Variants in LZTFL1 observed in about 807,000 individuals in gnomAD.
The protein encoded by LZTFL1 is leucine zipper transcription factor-like protein 1.
A neutral mutation model predicts 45.9 loss-of-function variants in LZTFL1; 25 were observed. The observed-to-expected ratio is 0.54, with a 90% CI of 0.40 to 0.76. LZTFL1 has a LOEUF of 0.76. LZTFL1 is among the 30% of genes least tolerant of loss of function. The pLI, the probability that LZTFL1 is intolerant of heterozygous loss-of-function variation, is 0.00. For synonymous variants in LZTFL1, 93 were observed against 117.4 expected (o/e 0.79, Z 1.35); for missense variants, 277 against 331.1 (o/e 0.84, Z 1.27).
At chr3:45,876,778 G>A (rs904323505) in intron 2 of LZTFL1, among the ~76,000 whole-genome samples, 2 of 152,156 alleles carry the variant, frequency 1.3e-5, no homozygotes, top group Admixed American at 6.5e-5. Context: ...CATTCCTGGA[G>A]GTGCAGGGTG....
chr3:45,849,680 G>C (rs1283505512), intron 4 of LZTFL1, among the ~76,000 whole-genome samples: 2 of 152,164 alleles, frequency 1.3e-5, no homozygotes, highest in Non-Finnish European at 2.9e-5. Context: ...TAGCAGAAAC[G>C]TGGTAAGAAT....
At position 45,824,158 on chromosome 3, in the gene LZTFL1, G is replaced by A. The variant is rs138425902; in HGVS notation, c.*2156C>T. The stretch of plus-strand genomic sequence containing the variant: ...AATTAAATTAAACCAAAGCTGCATT[G>A]TGATGGCCATCAATGTACAGACTGC... On this transcript the variant is annotated 3_prime_UTR_variant, in exon 10 of 10. Transcript: ENST00000296135. 3 of 152,188 alleles carry A rather than the reference G, an allele frequency of 2.0e-5. No individual in the cohort carries two copies. Among genetic ancestry groups the A allele is most frequent in the African/African-American group, 4.8e-5 (2 of 41,514 alleles). 9.4% of individuals were successfully genotyped at this position (152,188 alleles called of 1,614,324 possible).
At chr3:45,904,090 A>G (rs1702632886) in intron 2 of LZTFL1, among the ~76,000 whole-genome samples, 1 of 152,168 alleles carries the variant, frequency 6.6e-6, no homozygotes, top group African/African-American at 2.4e-5. Flanking sequence ...GAGCCTTCCC[A>G]GGTGGGAGCC....
At chr3:45,889,965 T>C (rs1702097586) in intron 2 of LZTFL1, among the ~76,000 whole-genome samples, 1 of 151,018 alleles carries the variant, frequency 6.6e-6, no homozygotes, top group South Asian at 2.1e-4. Context: ...CGCTGCAGAG[T>C]CAGAGATGTT....
At chr3:45,887,112 C>T (rs1702003708) in intron 2 of LZTFL1, among the ~76,000 whole-genome samples, 1 of 152,186 alleles carries the variant, frequency 6.6e-6, no homozygotes, top group Non-Finnish European at 1.5e-5. Flanking sequence ...CAATGGAATA[C>T]ACAGCAGCCA....
intron 4 of LZTFL1, among the ~76,000 whole-genome samples, chr3:45,833,549 A>G (rs1478747561): frequency 2.0e-5 from 3 of 152,216 alleles, no homozygotes; most frequent in Non-Finnish European, 4.4e-5. Flanking sequence ...AGATCTAGGC[A>G]AGTATAATAC....
At chr3:45,848,450 A>G (rs1392234025) in intron 4 of LZTFL1, among the ~76,000 whole-genome samples, 1 of 152,242 alleles carries the variant, frequency 6.6e-6, no homozygotes, top group Non-Finnish European at 1.5e-5. Flanking sequence ...TAAGGCTTAC[A>G]GTATTGCGCT....
chr3:45,898,977 C>T lies in LZTFL1; in HGVS notation c.-215+14143G>A, dbSNP rs548906562. ...GGTCAGAAGTTCGAGACCAGCCTGA[C>T]CAACATGGTGAAATCCCGTCTCTAC... On this transcript the variant is annotated intron_variant, in intron 2 of 4. Coordinates refer to the LZTFL1 transcript ENST00000472635. Among the ~76,000 whole-genome samples the T allele has an allele frequency of 3.2e-4, 48 of 152,226 alleles. 1 individual carries two copies. In the South Asian group the frequency reaches 5.2e-3, roughly 16 times the overall value.
intron 2 of LZTFL1, among the ~76,000 whole-genome samples, chr3:45,880,438 G>T (rs181341967): frequency 1.3e-4 from 20 of 152,170 alleles, no homozygotes; most frequent in East Asian, 1.2e-3. Context: ...GGAGGTGGAG[G>T]TTGCAGTGAG....
chr3:45,853,560 T>C (rs1397671713), intron 4 of LZTFL1, among the ~76,000 whole-genome samples: 1 of 152,228 alleles, frequency 6.6e-6, no homozygotes, highest in African/African-American at 2.4e-5. Context: ...TTTCTTCTCT[T>C]CTTGCTCTAC....
At chr3:45,833,017 G>A (rs1417801343) in intron 5 of LZTFL1, 33 bp downstream of exon 5, 16 of 1,511,188 alleles carry the variant, frequency 1.1e-5, no homozygotes, top group Non-Finnish European at 1.4e-5. Context: ...GACAGAATGA[G>A]AGACTTTCCG....
chr3:45,885,077 G>A (rs7613548), intron 2 of LZTFL1, among the ~76,000 whole-genome samples: 44,339 of 151,998 alleles, frequency 0.29, 7,264 homozygotes, highest in African/African-American at 0.43. Context: ...CTATTTGTTG[G>A]CCTTTTTCCA....
At chr3:45,838,369 C>T (rs957286557) in intron 1 of LZTFL1, among the ~76,000 whole-genome samples, 2 of 152,188 alleles carry the variant, frequency 1.3e-5, no homozygotes, top group African/African-American at 2.4e-5. Context: ...CTGAATCATG[C>T]AGACAACATC....
intron 2 of LZTFL1, among the ~76,000 whole-genome samples, chr3:45,890,271 C>T (rs376262611): frequency 0.063 from 647 of 10,288 alleles, 129 homozygotes; most frequent in South Asian, 0.21. Flanking sequence ...ATATATATAA[C>T]ATATATATAT....
At position 45,838,013 on chromosome 3, in the gene LZTFL1, A is replaced by G. The variant is rs775472606; in HGVS notation, c.42T>C (p.Val14=). 1.5e-5 allele frequency: 24 copies of G among 1,612,004 alleles called. No individual in the cohort carries two copies. The highest frequency in any genetic ancestry group is 2.7e-5 in the African/African-American group (2 of 74,796). ...AACGAGCAAAACGCATATAATTAAT[A>G]ACTTCATTTTGATGGTGCTCATTTA... is the stretch of plus-strand genomic sequence containing the variant. ...LGLNEHHQNE[V]INYMRFARSK... is the part of the protein sequence containing the mutation. Residue 14 remains valine (V), a synonymous_variant, in exon 2 of 10, where the codon GTT becomes GTC. Coordinates refer to ENST00000296135, the MANE Select transcript of LZTFL1 (RefSeq NM_020347.4).
At chr3:45,866,139 G>T (rs150901894) in intron 2 of LZTFL1, among the ~76,000 whole-genome samples, 1 of 152,146 alleles carries the variant, frequency 6.6e-6, no homozygotes, top group Admixed American at 6.6e-5. Context: ...GGGTGGTGGC[G>T]TGGTGGGAGG....
intron 2 of LZTFL1, among the ~76,000 whole-genome samples, chr3:45,891,461 A>AT (rs1702177717): frequency 3.3e-5 from 5 of 152,048 alleles, no homozygotes; most frequent in South Asian, 2.1e-4. Flanking sequence ...GTTTTCATTA[A>AT]TTTTTTGCAT....
chr3:45,863,822 C>T (rs766654962), intron 2 of LZTFL1, among the ~76,000 whole-genome samples: 7 of 152,156 alleles, frequency 4.6e-5, no homozygotes, highest in Non-Finnish European at 7.3e-5. Flanking sequence ...ACATAAAAGC[C>T]AGGTGCAATG....
chr3:45,903,640 A>C (rs17714228), intron 2 of LZTFL1, among the ~76,000 whole-genome samples: 13,112 of 152,238 alleles, frequency 0.086, 980 homozygotes, highest in South Asian at 0.36. Flanking sequence ...GCACATGAGA[A>C]TGAGGAATAA....
Sources: allele counts gnomAD v4.1 joint callset (sites outside exome capture counted in the v4.1 genomes callset), GRCh38; gene constraint gnomAD v4.1.1; transcripts MANE v1.5; gene names NCBI Gene and HGNC (gene_info 2026-07-23, HGNC 2026-07-21).